Variants in GOLGA8T observed in about 807,000 individuals in gnomAD.
GOLGA8T encodes golgin A8 family member T.
In GOLGA8T, 17 loss-of-function variants were observed where a neutral mutation model predicts 52.0. The ratio of observed to expected loss-of-function variants is 0.33; its 90% CI spans 0.22 to 0.49. GOLGA8T has a LOEUF of 0.49. GOLGA8T is among the 20% of genes least tolerant of loss of function. The probability of loss-of-function intolerance (pLI) is 0.99; values close to 1 mark genes in which losing one functional copy is unlikely to be tolerated. For synonymous variants in GOLGA8T, 67 were observed against 169.5 expected, an observed-to-expected ratio of 0.40 and a Z score of 4.70; for missense variants, 154 against 462.1, an observed-to-expected ratio of 0.33 and a Z score of 6.11.
chr15:30,145,536 G>T lies in GOLGA8T; in HGVS notation c.1865G>T (p.Cys622Phe), dbSNP rs1307559554. ...AGCAACTGCTGTGTGCCATTCTTGT[G>T]CTGGGCTTGGCTGCCAAGAAGAAGG... ...LGSNCCVPFL[C>F]WAWLPRRRR Residue 622 changes from cysteine (C) to phenylalanine (F), a missense_variant, in exon 19 of 19, where the codon TGC becomes TTC. By Grantham distance (205) the Cys-to-Phe change is radical. Around this residue, in one of 6 missense-constraint regions of GOLGA8T, gnomAD observed 22 missense variants for 181.2 expected, o/e 0.12. Coordinates refer to ENST00000569052, the MANE Select transcript of GOLGA8T (RefSeq NM_001355469.2). 6.6e-7 allele frequency: 1 copy of T among 1,522,412 alleles called. No individual in the cohort carries two copies. Among genetic ancestry groups the T allele is most frequent in the Non-Finnish European group, 8.7e-7 (1 of 1,151,056 alleles). 94.3% of individuals were successfully genotyped at this position (1,522,412 alleles called of 1,614,324 possible).
chr15:30,142,438 G>C, intron 13 of GOLGA8T, 56 bp downstream of exon 13: 1 of 1,582,158 alleles, frequency 6.3e-7, no homozygotes, highest in Non-Finnish European at 8.5e-7. Flanking sequence ...GCGGGCAGCA[G>C]ACTCTGGGGA....
Position 30,142,527 on chromosome 15 carries a change from G to A in GOLGA8T, c.1200+145G>A, listed in dbSNP as rs572587746. ...ACCCCCCAGGGCAGTCCTGTTTCTT[G>A]CTTCCTGCCTCTGACTTTTAAAGGT... On this transcript the variant is annotated intron_variant, in intron 13 of 18. Coordinates refer to ENST00000569052, the MANE Select transcript of GOLGA8T (RefSeq NM_001355469.2). The A allele has an allele frequency of 1.4e-4, 213 of 1,476,036 alleles. 24 individuals carry two copies. The African/African-American group carries it at 2.9e-3, about 20-fold the overall frequency. 91.4% of individuals were successfully genotyped at this position (1,476,036 alleles called of 1,614,324 possible).
intron 2 of GOLGA8T, among the ~76,000 whole-genome samples, chr15:30,137,248 T>G (rs1176731416): frequency 6.8e-6 from 1 of 146,902 alleles, no homozygotes; most frequent in Non-Finnish European, 1.5e-5. Context: ...CGTGGTGGCG[T>G]GTGCCTGTAG....
At position 30,145,007 on chromosome 15, in the gene GOLGA8T, G is replaced by T. The variant is rs199893302; in HGVS notation, c.1515G>T (p.Ala505=). Reference sequence around the variant, plus strand: ...AACCAGGGGGCTGTGCCAAAGATGCGGCACTGGGAGGAGGACACCATCAGG... The same window carrying T: ...AACCAGGGGGCTGTGCCAAAGATGCTGCACTGGGAGGAGGACACCATCAGG... The part of the protein sequence containing the change: ...LSEPGGCAKD[A]ALGGGHHQAG... Residue 505 remains alanine, a synonymous_variant, in exon 17 of 19, where the codon GCG becomes GCT. Transcript: ENST00000569052. 2.2e-6 allele frequency: 3 copies of T among 1,362,054 alleles called. No individual in the cohort carries two copies. Among genetic ancestry groups the T allele is most frequent in the Admixed American group, 4.0e-5 (2 of 49,620 alleles). 84.4% of individuals were successfully genotyped at this position (1,362,054 alleles called of 1,614,324 possible).
chr15:30,142,511 G>T lies in GOLGA8T; in HGVS notation c.1200+129G>T, dbSNP rs558929396. On this transcript the variant is annotated intron_variant, in intron 13 of 18. Coordinates refer to ENST00000569052, the MANE Select transcript of GOLGA8T (RefSeq NM_001355469.2). ...GGCTGGTGACCACAGCACCCCCCAG[G>T]GCAGTCCTGTTTCTTGCTTCCTGCC... is the stretch of plus-strand genomic sequence containing the variant. 4.0e-6 allele frequency: 6 copies of T among 1,507,274 alleles called. 1 individual carries two copies. Among genetic ancestry groups the T allele is most frequent in the Non-Finnish European group, 5.3e-6 (6 of 1,130,314 alleles). The allele number at this position is 1,507,274 out of a possible 1,614,324, so 93.4% of individuals were successfully genotyped here. A position where few individuals can be genotyped will look rare whatever the true frequency, so the allele number is the denominator to read the frequency against.
Position 30,137,942 on chromosome 15 carries a change from TAAGAG to T in GOLGA8T, c.228+3_228+7del. 3.5e-6 allele frequency: 1 copy of T among 288,280 alleles called. No homozygotes were observed. Among genetic ancestry groups the T allele is most frequent in the Non-Finnish European group, 5.8e-6 (1 of 171,128 alleles). The allele number at this position is 288,280 out of a possible 1,614,324, so 17.9% of individuals were successfully genotyped here. ...TCTGCTACCCTGAAAGATCTGGAGG[TAAGAG>T]GCTCTGGGCGGAGGTGCAGTGACCC... On this transcript the variant is annotated splice_donor_5th_base_variant and intron_variant, in intron 3 of 18. Transcript: ENST00000569052.
rs1295099377 is a variant in GOLGA8T, at chr15:30,140,240, G to T, written c.591+456G>T. 4.6e-5 allele frequency: 19 copies of T among 412,296 alleles called. 1 individual carries two copies. In the African/African-American group the frequency reaches 6.0e-4, roughly 13 times the overall value. The allele number at this position is 412,296 out of a possible 1,614,324, so 25.5% of individuals were successfully genotyped here. ...AAGGGTTCATAAAAAAGTCAGGAGAGAGCAACAAGATGGCCGGGAGATACT... is the reference window on the plus strand; with the variant it reads ...AAGGGTTCATAAAAAAGTCAGGAGATAGCAACAAGATGGCCGGGAGATACT... On this transcript the variant is annotated intron_variant, in intron 8 of 18. Transcript: ENST00000569052.
rs1207877328 is a variant in GOLGA8T, at chr15:30,140,834, C to A, written c.592-8C>A. ...CCAGATTGAAACTTCTCACTCTTCA[C>A]CATCCAGTTGTCCAGCCGCAGCAAA... On this transcript the variant is annotated splice_region_variant and splice_polypyrimidine_tract_variant and intron_variant, in intron 8 of 18. Coordinates refer to ENST00000569052, the MANE Select transcript of GOLGA8T (RefSeq NM_001355469.2). 6.5e-7 allele frequency: 1 copy of A among 1,543,990 alleles called. No individual in the cohort carries two copies.
chr15:30,141,428 A>C lies in GOLGA8T; in HGVS notation c.874+3A>C, dbSNP rs751784749. On this transcript the variant is annotated splice_donor_region_variant and intron_variant, in intron 11 of 18. Coordinates refer to ENST00000569052, the MANE Select transcript of GOLGA8T (RefSeq NM_001355469.2). ...GTCCAAACTCAAAAACCAGATGGGT[A>C]AGATGGGGCTGGCATGACCTAGGAG... 1.3e-5 allele frequency: 20 copies of C among 1,527,250 alleles called. 1 individual carries two copies. Among genetic ancestry groups the C allele is most frequent in the African/African-American group, 1.1e-4 (4 of 36,850 alleles). The allele number at this position is 1,527,250 out of a possible 1,614,324, so 94.6% of individuals were successfully genotyped here.
chr15:30,141,877 G>A lies in GOLGA8T; in HGVS notation c.950G>A (p.Arg317Lys), dbSNP rs1433940030. 5.7e-6 allele frequency: 3 copies of A among 522,744 alleles called. No individual in the cohort carries two copies. The highest frequency in any genetic ancestry group is 7.7e-5 in the Admixed American group (2 of 26,132). 32.4% of individuals were successfully genotyped at this position (522,744 alleles called of 1,614,324 possible). ...ELQHLRKELE[R>K]VAGELQAQVK... ...CAGCACCTGAGGAAGGAACTAGAGA[G>A]AGTGGCAGGAGAGCTCCAGGCCCAG... The change falls in exon 12 of 19, where the codon AGA (arginine) becomes AAA (lysine). Residue 317 changes from arginine to lysine, a missense_variant. Around this residue, in one of 6 missense-constraint regions of GOLGA8T, gnomAD observed 54 missense variants for 51.5 expected, o/e 1.05. Coordinates refer to ENST00000569052, the MANE Select transcript of GOLGA8T (RefSeq NM_001355469.2).
chr15:30,136,746 A>G (rs2140639535), intron 1 of GOLGA8T, 120 bp from the exon 2 acceptor site: 1 of 589,988 alleles, frequency 1.7e-6, no homozygotes, highest in East Asian at 2.8e-5. Flanking sequence ...AACACCTTGT[A>G]CAGTTGTTGG....
rs1288237386 is a variant in GOLGA8T, at chr15:30,145,569, C to T, written c.*2C>T. 1.4e-5 allele frequency: 20 copies of T among 1,474,270 alleles called. 1 individual carries two copies. In the Middle Eastern group the frequency reaches 7.4e-4, roughly 55 times the overall value. The allele number at this position is 1,474,270 out of a possible 1,614,324, so 91.3% of individuals were successfully genotyped here. On this transcript the variant is annotated 3_prime_UTR_variant, in exon 19 of 19. Transcript: ENST00000569052. ...TGGCTGCCAAGAAGAAGGAGATAAACATCACCATCCTCAAAGAGCTGCTCA... is the reference window on the plus strand; with the variant it reads ...TGGCTGCCAAGAAGAAGGAGATAAATATCACCATCCTCAAAGAGCTGCTCA...
intron 11 of GOLGA8T, among the ~76,000 whole-genome samples, 169 bp from the exon 12 acceptor site, chr15:30,141,633 C>T (rs1401312623): frequency 7.9e-6 from 1 of 127,134 alleles, no homozygotes; most frequent in Non-Finnish European, 1.5e-5. Context: ...GTCAGCCACC[C>T]GCAGTGCTCT....
chr15:30,141,137 CAGG>C lies in GOLGA8T; in HGVS notation c.785_786+1del, dbSNP rs1199113393. 1.0e-6 allele frequency: 1 copy of C among 974,992 alleles called. No homozygotes were observed. The highest frequency in any genetic ancestry group is 1.5e-6 in the Non-Finnish European group (1 of 659,416). The allele number at this position is 974,992 out of a possible 1,614,324, so 60.4% of individuals were successfully genotyped here. A position where few individuals can be genotyped will look rare whatever the true frequency, so the allele number is the denominator to read the frequency against. Reference sequence around the variant, plus strand: ...GCAGCAGAGGATGAGAAAAATGTCGCAGGAGGTGAGATCTGACCCTTCAGCCCC... The same window carrying C: ...GCAGCAGAGGATGAGAAAAATGTCGCAGGTGAGATCTGACCCTTCAGCCCC... On this transcript the variant is annotated inframe_deletion and splice_region_variant, in exon 10 of 19. Coordinates refer to ENST00000569052, the MANE Select transcript of GOLGA8T (RefSeq NM_001355469.2).
rs547476712 is a variant in GOLGA8T, at chr15:30,142,383, G to A, written c.1200+1G>A. 3 of 1,557,972 alleles carry A rather than the reference G, an allele frequency of 1.9e-6. No individual in the cohort carries two copies. Among genetic ancestry groups the A allele is most frequent in the African/African-American group, 1.5e-5 (1 of 66,944 alleles). ...GGAGCTACAGGAGAAGCTTGGCGAG[G>A]TGAAGGAGACGGAAACCTCCACCCC... On this transcript the variant is annotated splice_donor_variant, in intron 13 of 18. Coordinates refer to ENST00000569052, the MANE Select transcript of GOLGA8T (RefSeq NM_001355469.2). LOFTEE classifies it high-confidence loss of function.
Position 30,145,497 on chromosome 15 carries a change from A to G in GOLGA8T, c.1826A>G (p.His609Arg). Residue 609 changes from histidine to arginine, a missense_variant, in exon 19 of 19, where the codon CAC becomes CGC. His to Arg is a conservative substitution (Grantham distance 29). Transcript: ENST00000569052. Reference sequence around the variant, plus strand: ...CCGATCGTGCAGGACCACCAGGAGCACCCAGGCTTGGGCAGCAACTGCTGT... The same window carrying G: ...CCGATCGTGCAGGACCACCAGGAGCGCCCAGGCTTGGGCAGCAACTGCTGT... ...AQPIVQDHQE[H>R]PGLGSNCCVP... 1 of 1,560,516 alleles carries G rather than the reference A, an allele frequency of 6.4e-7. No individual in the cohort carries two copies. The highest frequency in any genetic ancestry group is 8.6e-7 in the Non-Finnish European group (1 of 1,167,896).
intron 8 of GOLGA8T, chr15:30,140,171 G>GTGTGTGTC: frequency 2.0e-6 from 1 of 512,124 alleles, no homozygotes; most frequent in East Asian, 4.1e-5. Flanking sequence ...GTGTGTGTGT[G>GTGTGTGTC]TGTGTGTGTG....
chr15:30,141,412 C>G lies in GOLGA8T; in HGVS notation c.861C>G (p.Leu287=). ...VEELERSLSK[L]KNQMAEPLPP... is the part of the protein sequence containing the mutation. ...AGCTGGAGAGGAGCTTGTCCAAACT[C>G]AAAAACCAGATGGGTAAGATGGGGC... The change falls in exon 11 of 19, where the codon CTC becomes CTG. Residue 287 remains leucine, a synonymous_variant. Coordinates refer to ENST00000569052, the MANE Select transcript of GOLGA8T (RefSeq NM_001355469.2). The G allele has an allele frequency of 2.0e-6, 3 of 1,536,066 alleles. 1 individual carries two copies. Among genetic ancestry groups the G allele is most frequent in the East Asian group, 4.7e-5 (2 of 42,624 alleles).
At position 30,140,755 on chromosome 15, in the gene GOLGA8T, T is replaced by C. The variant is rs1342890549; in HGVS notation, c.592-87T>C. On this transcript the variant is annotated intron_variant, in intron 8 of 18. Coordinates refer to ENST00000569052, the MANE Select transcript of GOLGA8T (RefSeq NM_001355469.2). ...TGATCTTTACTGACCGAGTTGTATA[T>C]TGGGCCTAGCCCTAGCCCTTTTAAG... 8 of 1,012,798 alleles carry C rather than the reference T, an allele frequency of 7.9e-6. 1 individual carries two copies. In the East Asian group the frequency reaches 1.8e-4, roughly 22 times the overall value. The allele number at this position is 1,012,798 out of a possible 1,614,324, so 62.7% of individuals were successfully genotyped here. A position where few individuals can be genotyped will look rare whatever the true frequency, so the allele number is the denominator to read the frequency against.
Sources: allele counts gnomAD v4.1 joint callset (sites outside exome capture counted in the v4.1 genomes callset), GRCh38; gene constraint gnomAD v4.1.1; regional missense constraint gnomAD v4.1.1; transcripts MANE v1.5; gene names NCBI Gene and HGNC (gene_info 2026-07-23, HGNC 2026-07-21).